The following CLYBL variants were observed in gnomAD, a reference collection of about 807,000 sequenced individuals.
CLYBL encodes citramalyl-CoA lyase, mitochondrial.
In CLYBL, 31 loss-of-function variants were observed where a neutral mutation model predicts 38.9. That is an observed-to-expected ratio of 0.80 (90% CI 0.60 to 1.08). The LOEUF (loss-of-function observed/expected upper bound fraction) is 1.08, where lower values mean the gene tolerates loss of function less well. CLYBL is among the 50% of genes least tolerant of loss of function. The pLI, the probability that CLYBL is intolerant of heterozygous loss-of-function variation, is 0.00. For synonymous variants in CLYBL, 171 were observed against 158.6 expected (o/e 1.08, Z -0.59); for missense variants, 434 against 411.6 (o/e 1.05, Z -0.47).
At chr13:99,612,239 T>G (rs2793754) in intron 1 of CLYBL, among the ~76,000 whole-genome samples, 46,611 of 151,866 alleles carry the variant, frequency 0.31, 8,516 homozygotes, top group Non-Finnish European at 0.41. Flanking sequence ...ATCTTTTTGT[T>G]TTATCGATTT....
chr13:99,677,318 ATTGACT>A (rs944560034), intron 1 of CLYBL, among the ~76,000 whole-genome samples: 3 of 151,982 alleles, frequency 2.0e-5, no homozygotes, highest in African/African-American at 7.3e-5. Context: ...AGCCAAATAC[ATTGACT>A]TTGAGAGAGG....
chr13:99,863,431 C>T (rs1024610847), intron 4 of CLYBL, among the ~76,000 whole-genome samples: 1 of 152,158 alleles, frequency 6.6e-6, no homozygotes, highest in African/African-American at 2.4e-5. Flanking sequence ...AAATTTGTCA[C>T]CCTTATGAAT....
intron 2 of CLYBL, among the ~76,000 whole-genome samples, chr13:99,800,273 C>G (rs2050105966): frequency 6.6e-6 from 1 of 152,158 alleles, no homozygotes; most frequent in Non-Finnish European, 1.5e-5. Context: ...ATGACTTCAG[C>G]CAGTCCAATC....
At chr13:99,774,600 T>C (rs907217100) in intron 2 of CLYBL, among the ~76,000 whole-genome samples, 1 of 152,212 alleles carries the variant, frequency 6.6e-6, no homozygotes, top group African/African-American at 2.4e-5. Context: ...GTGGCTGTAC[T>C]ATACAATTTT....
At chr13:99,676,231 T>C (rs1211337426) in intron 1 of CLYBL, among the ~76,000 whole-genome samples, 1 of 145,834 alleles carries the variant, frequency 6.9e-6, no homozygotes, top group Non-Finnish European at 1.5e-5. Context: ...CTTCCTTCCT[T>C]CCTTCCTTTC....
chr13:99,757,835 C>T (rs1381761118), intron 1 of CLYBL, among the ~76,000 whole-genome samples: 1 of 152,228 alleles, frequency 6.6e-6, no homozygotes, highest in African/African-American at 2.4e-5. Context: ...GTGGCTGGGA[C>T]TCTGCCATCA....
intron 2 of CLYBL, among the ~76,000 whole-genome samples, chr13:99,779,855 T>C (rs1374958858): frequency 6.6e-6 from 1 of 152,216 alleles, no homozygotes; most frequent in African/African-American, 2.4e-5. Flanking sequence ...AGAAATGTGA[T>C]GTGAATGGTG....
intron 1 of CLYBL, among the ~76,000 whole-genome samples, chr13:99,665,038 TATG>T (rs2047460657): frequency 6.6e-6 from 1 of 151,788 alleles, no homozygotes; most frequent in South Asian, 2.1e-4. Context: ...TTGGTTAAAA[TATG>T]ATTTTTTTTC....
chr13:99,694,740 C>T (rs908328175), intron 1 of CLYBL, among the ~76,000 whole-genome samples: 2 of 152,196 alleles, frequency 1.3e-5, no homozygotes, highest in African/African-American at 2.4e-5. Flanking sequence ...TAATTAAACA[C>T]GTTTTAAGAG....
At chr13:99,895,474 C>CG (rs2052563326), downstream of CLYBL, 1 of 152,180 alleles carries the variant, frequency 6.6e-6, no homozygotes, top group African/African-American at 2.4e-5. Flanking sequence ...CGCGGGGAGG[C>CG]GGGAGGCAGG....
At chr13:99,775,462 C>CAA in intron 2 of CLYBL, among the ~76,000 whole-genome samples, 1 of 152,212 alleles carries the variant, frequency 6.6e-6, no homozygotes, top group South Asian at 2.1e-4. Flanking sequence ...CTGGACATTG[C>CAA]AATGTGCTAG....
At chr13:99,807,457 C>G (rs939677627) in intron 2 of CLYBL, among the ~76,000 whole-genome samples, 12 of 152,086 alleles carry the variant, frequency 7.9e-5, no homozygotes, top group African/African-American at 2.4e-4. Flanking sequence ...CACAGATGAA[C>G]GGGCAAACAA....
chr13:99,891,452 T>G lies in CLYBL; in HGVS notation c.*24+15T>G, dbSNP rs187662331. 11 of 1,434,584 alleles carry G rather than the reference T, an allele frequency of 7.7e-6. No homozygotes were observed. The East Asian group carries it at 2.5e-4, about 33-fold the overall frequency. 88.9% of individuals were successfully genotyped at this position (1,434,584 alleles called of 1,614,324 possible). On this transcript the variant is annotated intron_variant, in intron 8 of 8. Transcript: ENST00000339105. ...GCTGTCATCAGGTGGGCTGAACATA[T>G]ACAGTGGGGTTCTTAAAGACAAACC... is the stretch of plus-strand genomic sequence containing the variant.
intron 1 of CLYBL, among the ~76,000 whole-genome samples, chr13:99,648,440 T>C (rs1487967856): frequency 6.6e-6 from 1 of 152,268 alleles, no homozygotes; most frequent in African/African-American, 2.4e-5. Context: ...CCATTGTTCG[T>C]TGAATTCTGA....
intron 1 of CLYBL, among the ~76,000 whole-genome samples, chr13:99,728,570 C>CTT (rs879726357): frequency 1.4e-5 from 2 of 142,448 alleles, no homozygotes; most frequent in Non-Finnish European, 1.5e-5. Flanking sequence ...GAGCCAACTT[C>CTT]TTTTTTTTTT....
intron 1 of CLYBL, among the ~76,000 whole-genome samples, chr13:99,737,578 C>G (rs1412988464): frequency 1.3e-5 from 2 of 152,108 alleles, no homozygotes; most frequent in African/African-American, 4.8e-5. Context: ...TTGGAGCTGG[C>G]GAGTCTGGGG....
At chr13:99,854,214 G>C (rs2051401397) in intron 2 of CLYBL, among the ~76,000 whole-genome samples, 1 of 152,022 alleles carries the variant, frequency 6.6e-6, no homozygotes, top group Non-Finnish European at 1.5e-5. Flanking sequence ...CATTTCCTCT[G>C]AAAACAACTA....
At chr13:99,891,284 T>C in intron 7 of CLYBL, 34 bp from the exon 8 acceptor site, 1 of 1,458,212 alleles carries the variant, frequency 6.9e-7, no homozygotes, top group Non-Finnish European at 9.6e-7. Context: ...ATTTCGAGTA[T>C]TCTTTCAGGA....
chr13:99,658,905 G>T (rs2047369552), intron 1 of CLYBL, among the ~76,000 whole-genome samples: 1 of 152,088 alleles, frequency 6.6e-6, no homozygotes, highest in Non-Finnish European at 1.5e-5. Context: ...AACAGATCAA[G>T]CCTGCCTTTG....
Sources: gnomAD v4.1 joint callset for allele counts (sites outside exome capture counted in the v4.1 genomes callset) on GRCh38, gnomAD v4.1.1 for gene constraint, MANE v1.5 for transcripts, NCBI Gene and HGNC (gene_info 2026-07-23, HGNC 2026-07-21) for gene names.